The following GMDS variants were observed in gnomAD, a reference collection of about 807,000 sequenced individuals.
GMDS encodes GDP-mannose 4,6-dehydratase.
A neutral mutation model predicts 49.9 loss-of-function variants in GMDS; 20 were observed. The observed-to-expected ratio is 0.40, with a 90% CI of 0.28 to 0.58. GMDS has a LOEUF of 0.58. Ranked by LOEUF, GMDS falls within the 20% of genes least tolerant of loss-of-function variation. The probability of loss-of-function intolerance (pLI) is 0.42; values close to 1 mark genes in which losing one functional copy is unlikely to be tolerated. For synonymous variants in GMDS, 177 were observed against 178.6 expected, an observed-to-expected ratio of 0.99 and a Z score of 0.07; for missense variants, 362 against 481.4, an observed-to-expected ratio of 0.75 and a Z score of 2.32.
chr6:2,233,576 T>C (rs547230012), intron 1 of GMDS, among the ~76,000 whole-genome samples: 1 of 152,334 alleles, frequency 6.6e-6, no homozygotes, highest in East Asian at 1.9e-4. Flanking sequence ...TCCCAGCACT[T>C]TGAGAGGCTG....
chr6:1,962,894 TA>T (rs1320545606), intron 4 of GMDS, among the ~76,000 whole-genome samples: 6 of 150,936 alleles, frequency 4.0e-5, no homozygotes, highest in African/African-American at 1.5e-4. Context: ...TTTTTTTTTT[TA>T]AGATGGAGTC....
intron 4 of GMDS, among the ~76,000 whole-genome samples, chr6:2,045,769 CA>C (rs148317489): frequency 3.9e-4 from 58 of 147,860 alleles, no homozygotes; most frequent in South Asian, 1.3e-3. Context: ...TAGCCCCAGT[CA>C]AAAAAAAAAT....
Position 1,959,866 on chromosome 6 carries a change from C to T in GMDS, c.643+1G>A. The T allele has an allele frequency of 6.5e-7, 1 of 1,531,910 alleles. No homozygotes were observed. The highest frequency in any genetic ancestry group is 1.2e-5 in the South Asian group (1 of 85,454). 94.9% of individuals were successfully genotyped at this position (1,531,910 alleles called of 1,614,324 possible). A position where few individuals can be genotyped will look rare whatever the true frequency, so the allele number is the denominator to read the frequency against. On this transcript the variant is annotated splice_donor_variant, in intron 6 of 10. Coordinates refer to ENST00000380815, the MANE Select transcript of GMDS (RefSeq NM_001500.4). LOFTEE classifies it high-confidence loss of function. ...TCTTTTCAGTTAATATATTTACTGACCTCTTCTGGGACTCTCATGATTGAA... is the reference window on the plus strand; with the variant it reads ...TCTTTTCAGTTAATATATTTACTGATCTCTTCTGGGACTCTCATGATTGAA...
At chr6:2,070,732 T>C (rs1252094078) in intron 4 of GMDS, among the ~76,000 whole-genome samples, 1 of 152,164 alleles carries the variant, frequency 6.6e-6, no homozygotes, top group Non-Finnish European at 1.5e-5. Flanking sequence ...TCCCAGGACG[T>C]CCTCACCCAT....
intron 9 of GMDS, among the ~76,000 whole-genome samples, chr6:1,698,958 G>A (rs759970652): frequency 6.6e-6 from 1 of 152,086 alleles, no homozygotes; most frequent in Non-Finnish European, 1.5e-5. Flanking sequence ...CACAGTCATG[G>A]GGTGGTCAAA....
chr6:2,155,348 AAAAC>A (rs1000633150), intron 1 of GMDS, among the ~76,000 whole-genome samples: 14 of 152,310 alleles, frequency 9.2e-5, no homozygotes, highest in Non-Finnish European at 5.9e-5. Context: ...AATTAATTTT[AAAAC>A]AAACAGAAAA....
chr6:2,024,806 G>C (rs923083588), intron 4 of GMDS, among the ~76,000 whole-genome samples: 20 of 151,790 alleles, frequency 1.3e-4, no homozygotes, highest in African/African-American at 4.8e-4. Context: ...CTATAAAAGG[G>C]AAAGACAACT....
intron 3 of GMDS, among the ~76,000 whole-genome samples, chr6:2,117,151 C>T (rs547339307): frequency 6.6e-6 from 1 of 152,250 alleles, no homozygotes; most frequent in East Asian, 1.9e-4. Flanking sequence ...CGGTGCACTG[C>T]CAGTGTGGAA....
At position 1,999,938 on chromosome 6, in the gene GMDS, A is replaced by G. The variant is rs185769418; in HGVS notation, c.346-38972T>C. Among the ~76,000 whole-genome samples the G allele has an allele frequency of 1.3e-3, 99 of 73,900 alleles. 4 individuals carry two copies. Among genetic ancestry groups the G allele is most frequent in the African/African-American group, 4.7e-3 (95 of 20,306 alleles). 48.5% of individuals were successfully genotyped at this position (73,900 alleles called of 152,430 possible). ...TTATATACATATTATATATTATTAT[A>G]TATAATATATAATATGTATATTATA... On this transcript the variant is annotated intron_variant, in intron 4 of 10. Coordinates refer to ENST00000380815, the MANE Select transcript of GMDS (RefSeq NM_001500.4).
chr6:2,083,898 C>T (rs1036303817), intron 4 of GMDS, among the ~76,000 whole-genome samples: 1 of 152,032 alleles, frequency 6.6e-6, no homozygotes, highest in African/African-American at 2.4e-5. Flanking sequence ...CCCACATTAA[C>T]AGAAATTATT....
chr6:2,203,756 C>A (rs1317994807), intron 1 of GMDS, among the ~76,000 whole-genome samples: 1 of 152,178 alleles, frequency 6.6e-6, no homozygotes, highest in East Asian at 1.9e-4. Flanking sequence ...GTTTTCTTCA[C>A]AGGTGGGTAC....
At chr6:1,954,337 G>C (rs1763518487) in intron 6 of GMDS, among the ~76,000 whole-genome samples, 1 of 152,234 alleles carries the variant, frequency 6.6e-6, no homozygotes, top group Admixed American at 6.5e-5. Context: ...GCTGCTAACT[G>C]ATCAGGATGG....
At chr6:2,153,904 G>T (rs1776972803) in intron 1 of GMDS, among the ~76,000 whole-genome samples, 1 of 152,114 alleles carries the variant, frequency 6.6e-6, no homozygotes, top group African/African-American at 2.4e-5. Flanking sequence ...AATTTGTAGA[G>T]GTTAGACACT....
intron 8 of GMDS, among the ~76,000 whole-genome samples, chr6:1,735,388 G>A (rs777398432): frequency 2.6e-5 from 4 of 152,236 alleles, no homozygotes; most frequent in African/African-American, 7.2e-5. Flanking sequence ...CCACAGTCTT[G>A]TGAGGGAATG....
At chr6:1,995,060 A>G (rs2127369584) in intron 4 of GMDS, among the ~76,000 whole-genome samples, 1 of 152,282 alleles carries the variant, frequency 6.6e-6, no homozygotes, top group Middle Eastern at 3.4e-3. Flanking sequence ...ACCTTATACG[A>G]AGGCACCTTA....
intron 9 of GMDS, among the ~76,000 whole-genome samples, chr6:1,656,579 T>C (rs557634280): frequency 1.1e-3 from 161 of 152,098 alleles, no homozygotes; most frequent in African/African-American, 3.5e-3. Context: ...CTGACCAACA[T>C]GGTGAAACCC....
intron 1 of GMDS, among the ~76,000 whole-genome samples, chr6:2,244,024 G>T (rs1437529600): frequency 6.6e-6 from 1 of 151,520 alleles, no homozygotes; most frequent in African/African-American, 2.4e-5. Context: ...CAACATGCCT[G>T]CCTCATTTTT....
chr6:1,851,084 G>A (rs1467595), intron 7 of GMDS, among the ~76,000 whole-genome samples: 144,858 of 152,280 alleles, frequency 0.95, 69,167 homozygotes, highest in Non-Finnish European at 1. Context: ...CAGGCTGTAC[G>A]AGGTTAAGGA....
At chr6:1,794,803 A>G (rs1769674147) in intron 7 of GMDS, among the ~76,000 whole-genome samples, 1 of 152,202 alleles carries the variant, frequency 6.6e-6, no homozygotes, top group Non-Finnish European at 1.5e-5. Context: ...AAAAGGAGAC[A>G]GATGGTCCAT....
Sources: allele counts gnomAD v4.1 joint callset (sites outside exome capture counted in the v4.1 genomes callset), GRCh38; gene constraint gnomAD v4.1.1; transcripts MANE v1.5; gene names NCBI Gene and HGNC (gene_info 2026-07-23, HGNC 2026-07-21).